The following HEXD variants were observed in gnomAD, a reference collection of about 807,000 sequenced individuals.
The protein encoded by HEXD is N-acetyl-beta-galactosaminidase.
Under a neutral mutation model 54.2 loss-of-function variants are expected in HEXD, and 47 were observed. The ratio of observed to expected loss-of-function variants is 0.87; its 90% confidence interval spans 0.69 to 1.11. The LOEUF is 1.11. HEXD is among the 50% of genes least tolerant of loss of function. HEXD has a pLI of 0.00. For missense variants in HEXD, 576 were observed against 649.2 expected, an observed-to-expected ratio of 0.89 and a Z score of 1.23; for synonymous variants, 293 against 287.6, an observed-to-expected ratio of 1.02 and a Z score of -0.19.
intron 2 of HEXD, among the ~76,000 whole-genome samples, chr17:82,423,070 A>G (rs1468154214): frequency 1.3e-5 from 2 of 151,108 alleles, no homozygotes; most frequent in African/African-American, 4.9e-5. Context: ...AAAAAAAAAG[A>G]AAGGAAAGGC....
At position 82,439,643 on chromosome 17, in the gene HEXD, C is replaced by A; in HGVS notation, c.912C>A (p.Tyr304Ter). 6.3e-7 allele frequency: 1 copy of A among 1,582,948 alleles called. No homozygotes were observed. Among genetic ancestry groups the A allele is most frequent in the Non-Finnish European group, 8.6e-7 (1 of 1,167,624 alleles). The change falls in exon 9 of 13, where the codon TAC (tyrosine) becomes TAA (stop). Residue 304 changes from tyrosine (Y) to a stop codon, truncating the protein, a stop_gained. Transcript: ENST00000327949. LOFTEE classifies it high-confidence loss of function. ...ILTGWQRYDHYSVLCELLPAG... is the reference protein window; with the variant it reads ...ILTGWQRYDH ...CTCATGGACCCAGGTACGACCACTA[C>A]TCTGTGCTGTGCGAGCTGCTGCCCG...
At chr17:82,436,947 T>G in intron 7 of HEXD, 2 of 632,276 alleles carry the variant, frequency 3.2e-6, no homozygotes, top group Non-Finnish European at 5.5e-6. Flanking sequence ...CACCAGTGTT[T>G]TCCTAGTGAG....
In HEXD at chr17:82,439,770, G is replaced by A. The variant is rs746031854; in HGVS notation, c.982+57G>A. 1.9e-6 allele frequency: 3 copies of A among 1,598,062 alleles called. No individual in the cohort carries two copies. The East Asian group carries it at 6.7e-5, about 36-fold the overall frequency. ...CGGCCCCTCCCCGAAAGACCCGGAGGGCAGGAGGCCAAGCACCCAGTGCTC... is the reference window on the plus strand; with the variant it reads ...CGGCCCCTCCCCGAAAGACCCGGAGAGCAGGAGGCCAAGCACCCAGTGCTC... On this transcript the variant is annotated intron_variant, in intron 9 of 12. Coordinates refer to ENST00000327949, the MANE Select transcript of HEXD (RefSeq NM_001330542.2).
At chr17:82,439,350 C>A (rs1226995897) in intron 8 of HEXD, 49 of 845,700 alleles carry the variant, frequency 5.8e-5, no homozygotes, top group Non-Finnish European at 6.8e-5. Context: ...GCCACCCACC[C>A]AAGGTCCACC....
chr17:82,428,449 C>G (rs999350274), intron 3 of HEXD, 109 bp from the exon 4 acceptor site: 3 of 855,724 alleles, frequency 3.5e-6, no homozygotes, highest in East Asian at 4.9e-5. Flanking sequence ...TAGGGCCTTA[C>G]TGTTTCCCGG....
intron 5 of HEXD, among the ~76,000 whole-genome samples, chr17:82,435,275 G>A (rs1054160535): frequency 6.6e-6 from 1 of 152,178 alleles, no homozygotes; most frequent in Non-Finnish European, 1.5e-5. Flanking sequence ...TTCCTATCTC[G>A]GTGGATTTGC....
At chr17:82,431,691 A>G (rs1339527409) in intron 4 of HEXD, among the ~76,000 whole-genome samples, 3 of 152,094 alleles carry the variant, frequency 2.0e-5, no homozygotes, top group Middle Eastern at 3.2e-3. Context: ...TGCTGGGACT[A>G]CAGGCATGAG....
In HEXD at chr17:82,433,805, C is replaced by T. The variant is rs371528823; in HGVS notation, c.430C>T (p.His144Tyr). Residue 144 changes from histidine to tyrosine, a missense_variant, in exon 5 of 13, where the codon CAC becomes TAC. Coordinates refer to ENST00000327949, the MANE Select transcript of HEXD (RefSeq NM_001330542.2). ...GCTACACCCAGGCGCCCAGCGGCTGCACATCGGGTGTGATGAGGTGGGTAC... is the reference window on the plus strand; with the variant it reads ...GCTACACCCAGGCGCCCAGCGGCTGTACATCGGGTGTGATGAGGTGGGTAC... ...LELHPGAQRLHIGCDEVYYLG... is the reference protein window; with the variant it reads ...LELHPGAQRLYIGCDEVYYLG... 8 of 1,612,610 alleles carry T rather than the reference C, an allele frequency of 5.0e-6. No homozygotes were observed. The highest frequency in any genetic ancestry group is 1.3e-5 in the African/African-American group (1 of 74,910).
At chr17:82,433,411 C>A (rs967991056) in intron 4 of HEXD, among the ~76,000 whole-genome samples, 1 of 152,020 alleles carries the variant, frequency 6.6e-6, no homozygotes, top group Non-Finnish European at 1.5e-5. Context: ...CCACTGCACT[C>A]CAGCCTGGGC....
At position 82,419,916 on chromosome 17, in the gene HEXD, T is replaced by C. The variant is rs540011463; in HGVS notation, c.84+33T>C. ...CTCCCTTTTACCTCTAGAGCATTACTTTTTGCCTTGGCTTCATTCTTTAAA... is the reference window on the plus strand; with the variant it reads ...CTCCCTTTTACCTCTAGAGCATTACCTTTTGCCTTGGCTTCATTCTTTAAA... On this transcript the variant is annotated intron_variant, in intron 2 of 12. Coordinates refer to ENST00000327949, the MANE Select transcript of HEXD (RefSeq NM_001330542.2). The C allele has an allele frequency of 4.8e-5, 69 of 1,424,722 alleles. No homozygotes were observed. The Admixed American group carries it at 5.6e-4, about 12-fold the overall frequency. The allele number at this position is 1,424,722 out of a possible 1,614,324, so 88.3% of individuals were successfully genotyped here.
intron 3 of HEXD, among the ~76,000 whole-genome samples, chr17:82,427,688 C>T (rs2053456500): frequency 6.6e-6 from 1 of 152,210 alleles, no homozygotes; most frequent in African/African-American, 2.4e-5. Context: ...AAGCTTGAAA[C>T]AGGAATGTTT....
chr17:82,434,312 C>G lies in HEXD; in HGVS notation c.447+490C>G, dbSNP rs926107409. On this transcript the variant is annotated intron_variant, in intron 5 of 12. Coordinates refer to ENST00000327949, the MANE Select transcript of HEXD (RefSeq NM_001330542.2). The surrounding 1 kb of genome is among the most constrained non-coding windows in gnomAD (Gnocchi z 4.5). Reference sequence around the variant, plus strand: ...GGTGCCAGAGATGTGCCCCCTCCAACCCAGTGAGCCCCCACCCTTGCCCCT... The same window carrying G: ...GGTGCCAGAGATGTGCCCCCTCCAAGCCAGTGAGCCCCCACCCTTGCCCCT... 5.3e-5 allele frequency among the ~76,000 whole-genome samples: 8 copies of G among 152,190 alleles called. No individual in the cohort carries two copies. Among genetic ancestry groups the G allele is most frequent in the African/African-American group, 1.9e-4 (8 of 41,438 alleles).
rs1170938738 is a variant in HEXD, at chr17:82,434,197, G to T, written c.447+375G>T. On this transcript the variant is annotated intron_variant, in intron 5 of 12. Transcript: ENST00000327949. This position sits in a 1 kb window ranked among gnomAD's most constrained non-coding sequence, Gnocchi z 4.5. ...CAGGACCAGCAGTGAGCATAAGTCA[G>T]GGTGTAACTCGAGGGACACCCTTTT... is the stretch of plus-strand genomic sequence containing the variant. Among the ~76,000 whole-genome samples, 1 of 152,268 alleles carries T rather than the reference G, an allele frequency of 6.6e-6. No individual in the cohort carries two copies. Among genetic ancestry groups the T allele is most frequent in the East Asian group, 1.9e-4 (1 of 5,198 alleles).
chr17:82,427,814 A>G (rs2053460024), intron 3 of HEXD, among the ~76,000 whole-genome samples: 1 of 152,206 alleles, frequency 6.6e-6, no homozygotes, highest in Non-Finnish European at 1.5e-5. Context: ...CAGCTCATGT[A>G]AAGCTTGTGA....
intron 7 of HEXD, 135 bp from the exon 8 acceptor site, chr17:82,437,033 C>A: frequency 1.2e-6 from 1 of 803,960 alleles, no homozygotes; most frequent in Non-Finnish European, 2.1e-6. Context: ...ACTCTGGAGT[C>A]TCCTACACTG....
rs796206771 is a variant in HEXD, at chr17:82,434,454, C to T, written c.447+632C>T. On this transcript the variant is annotated intron_variant, in intron 5 of 12. Transcript: ENST00000327949. This position sits in a 1 kb window ranked among gnomAD's most constrained non-coding sequence, Gnocchi z 4.5. Reference sequence around the variant, plus strand: ...CTGCAGGGCTGTGGCTCACAGGGAACCCGAGCTGAACATTTTAGCCCCAGA... The same window carrying T: ...CTGCAGGGCTGTGGCTCACAGGGAATCCGAGCTGAACATTTTAGCCCCAGA... 1.5e-4 allele frequency among the ~76,000 whole-genome samples: 23 copies of T among 152,290 alleles called. No homozygotes were observed. Among genetic ancestry groups the T allele is most frequent in the African/African-American group, 5.5e-4 (23 of 41,562 alleles).
At position 82,442,627 on chromosome 17, in the gene HEXD, G is replaced by C. The variant is rs2054032420; in HGVS notation, c.*243G>C. 1 of 1,532,490 alleles carries C rather than the reference G, an allele frequency of 6.5e-7. No homozygotes were observed. Among genetic ancestry groups the C allele is most frequent in the Non-Finnish European group, 8.8e-7 (1 of 1,131,698 alleles). The allele number at this position is 1,532,490 out of a possible 1,614,324, so 94.9% of individuals were successfully genotyped here. ...GTGACACTGATTCTTTGGAAATAAAGAGTGGAAGCTGCAGGTGACACGTGA... is the reference window on the plus strand; with the variant it reads ...GTGACACTGATTCTTTGGAAATAAACAGTGGAAGCTGCAGGTGACACGTGA... On this transcript the variant is annotated 3_prime_UTR_variant, in exon 13 of 13. Transcript: ENST00000327949. The surrounding 1 kb of genome is among the most constrained non-coding windows in gnomAD (Gnocchi z 6.8).
At chr17:82,441,446 C>T (rs1285256184) in intron 11 of HEXD, among the ~76,000 whole-genome samples, 180 bp downstream of exon 11, 20 of 122,344 alleles carry the variant, frequency 1.6e-4, no homozygotes, top group Non-Finnish European at 2.4e-4. Context: ...TGCAGGTGAA[C>T]AGGCAGGTGT....
In HEXD at chr17:82,442,454, A is replaced by C; in HGVS notation, c.*70A>C. On this transcript the variant is annotated 3_prime_UTR_variant, in exon 13 of 13. Coordinates refer to ENST00000327949, the MANE Select transcript of HEXD (RefSeq NM_001330542.2). The surrounding 1 kb of genome is among the most constrained non-coding windows in gnomAD (Gnocchi z 6.8). ...CTCTGCACTGCCAAATGGCCTGGGC[A>C]ATACGGGCCCACGTGGGCGTCGTGC... 1.2e-6 allele frequency: 2 copies of C among 1,608,956 alleles called. No homozygotes were observed. Among genetic ancestry groups the C allele is most frequent in the Non-Finnish European group, 1.7e-6 (2 of 1,176,620 alleles).
Sources: allele counts gnomAD v4.1 joint callset (sites outside exome capture counted in the v4.1 genomes callset), GRCh38; gene constraint gnomAD v4.1.1; non-coding constraint Gnocchi (gnomAD v3.1); transcripts MANE v1.5; gene names NCBI Gene and HGNC (gene_info 2026-07-23, HGNC 2026-07-21).